The following HDGFL3 variants were observed in gnomAD, a reference collection of about 807,000 sequenced individuals.
HDGFL3 encodes hepatoma-derived growth factor-related protein 3.
Under a neutral mutation model 27.6 loss-of-function variants are expected in HDGFL3, and 6 were observed. That is an observed-to-expected ratio of 0.22 (90% CI 0.12 to 0.43). The LOEUF (loss-of-function observed/expected upper bound fraction) is 0.43. Ranked by LOEUF, HDGFL3 falls within the 20% of genes least tolerant of loss-of-function variation. HDGFL3 has a pLI of 1.00. For synonymous variants in HDGFL3, 88 were observed against 88.9 expected (o/e 0.99, Z 0.05); for missense variants, 207 against 250.1 (o/e 0.83, Z 1.16).
At chr15:83,161,170 A>G (rs1336815539) in intron 2 of HDGFL3, among the ~76,000 whole-genome samples, 1 of 152,194 alleles carries the variant, frequency 6.6e-6, no homozygotes, top group African/African-American at 2.4e-5. Context: ...GCTGCCTGGT[A>G]TTCACATCAG....
chr15:83,171,663 C>T (rs1054327310), intron 1 of HDGFL3, among the ~76,000 whole-genome samples: 3 of 151,922 alleles, frequency 2.0e-5, no homozygotes, highest in Admixed American at 2.0e-4. Flanking sequence ...ACCGCATGTT[C>T]TTACTTGTAA....
intron 5 of HDGFL3, among the ~76,000 whole-genome samples, chr15:83,150,195 G>T (rs1309313179): frequency 6.6e-6 from 1 of 152,162 alleles, no homozygotes; most frequent in East Asian, 1.9e-4. Context: ...AAAGGGAAGA[G>T]AAATTGTTGG....
chr15:83,113,089 C>T, exon 4 of HDGFL3: 1 of 600,088 alleles, frequency 1.7e-6, no homozygotes, highest in Non-Finnish European at 3.0e-6. Flanking sequence ...GGACTCCACC[C>T]TCTCCCAGGT....
chr15:83,118,983 A>G (rs1298405077), intron 3 of HDGFL3, among the ~76,000 whole-genome samples: 1 of 152,178 alleles, frequency 6.6e-6, no homozygotes, highest in East Asian at 1.9e-4. Context: ...TTGTAATCTC[A>G]GAGCATCTGT....
intron 1 of HDGFL3, among the ~76,000 whole-genome samples, chr15:83,198,094 T>G (rs992162921): frequency 1.4e-5 from 2 of 139,624 alleles, no homozygotes; most frequent in Non-Finnish European, 3.0e-5. Context: ...TAATTATATA[T>G]ATAGTTGTTG....
intron 4 of HDGFL3, among the ~76,000 whole-genome samples, chr15:83,154,427 G>T (rs995968195): frequency 5.3e-5 from 8 of 152,032 alleles, no homozygotes; most frequent in Admixed American, 3.3e-4. Context: ...AGTTATGCTA[G>T]GCAAGCGGTT....
rs200970627 is a variant in HDGFL3 at position 83,119,586 on chromosome 15, G to A, written c.394-3845C>T. On this transcript the variant is annotated intron_variant, in intron 3 of 3. Transcript: ENST00000568294. ...TTTAATGCTTTCTTTAGGGTGAACC[G>A]TATCTGAACACCGCATATGGGCACA... is the stretch of plus-strand genomic sequence containing the variant. 232 of 1,614,068 alleles carry A rather than the reference G, an allele frequency of 1.4e-4. No homozygotes were observed. Among genetic ancestry groups the A allele is most frequent in the Admixed American group, 2.0e-4 (12 of 60,022 alleles).
At chr15:83,195,484 T>C (rs1048449921) in intron 1 of HDGFL3, among the ~76,000 whole-genome samples, 35 of 152,130 alleles carry the variant, frequency 2.3e-4, no homozygotes, top group South Asian at 4.1e-4. Flanking sequence ...TATTCCTCTA[T>C]GTACATGTTT....
chr15:83,175,024 TG>T (rs1222407313), intron 1 of HDGFL3, among the ~76,000 whole-genome samples: 1 of 152,222 alleles, frequency 6.6e-6, no homozygotes, highest in African/African-American at 2.4e-5. Flanking sequence ...GAAAAGAATA[TG>T]AAAGTGAAAA....
Position 83,132,935 on chromosome 15 carries a change from A to T in HDGFL3, c.*6335T>A, listed in dbSNP as rs906846422. ...GTAAAAAGGTCAAAAGGTCAAGAGA[A>T]TCTAAAAACAAAGGGCCCAGATTTT... On this transcript the variant is annotated 3_prime_UTR_variant, in exon 6 of 6. Transcript: ENST00000299633. The T allele has an allele frequency of 6.6e-6, 1 of 152,230 alleles. No individual in the cohort carries two copies. Among genetic ancestry groups the T allele is most frequent in the African/African-American group, 2.4e-5 (1 of 41,464 alleles). 9.4% of individuals were successfully genotyped at this position (152,230 alleles called of 1,614,324 possible).
intron 1 of HDGFL3, among the ~76,000 whole-genome samples, chr15:83,195,244 C>T (rs1262589614): frequency 6.6e-6 from 1 of 151,898 alleles, no homozygotes; most frequent in Non-Finnish European, 1.5e-5. Flanking sequence ...AAATATTGGG[C>T]AAAAAACTTG....
intron 3 of HDGFL3, among the ~76,000 whole-genome samples, chr15:83,120,771 G>A (rs1448833602): frequency 6.6e-6 from 1 of 151,814 alleles, no homozygotes; most frequent in Non-Finnish European, 1.5e-5. Context: ...TCACCATGTT[G>A]GCCAGGCTGG....
At chr15:83,196,388 C>T (rs1329125183) in intron 1 of HDGFL3, among the ~76,000 whole-genome samples, 2 of 151,862 alleles carry the variant, frequency 1.3e-5, no homozygotes, top group Non-Finnish European at 2.9e-5. Flanking sequence ...CATAATCTGA[C>T]TACAAGATAA....
intron 1 of HDGFL3, among the ~76,000 whole-genome samples, chr15:83,200,856 CTTTTTT>C (rs200038603): frequency 8.3e-6 from 1 of 120,176 alleles, no homozygotes; most frequent in Admixed American, 8.5e-5. Context: ...TTACTTTATT[CTTTTTT>C]TTTTTTTTTT....
At chr15:83,157,021 A>G (rs1382202932) in intron 4 of HDGFL3, among the ~76,000 whole-genome samples, 2 of 152,208 alleles carry the variant, frequency 1.3e-5, no homozygotes, top group Non-Finnish European at 2.9e-5. Flanking sequence ...AGAACCCCAT[A>G]GTTAAGTTAC....
chr15:83,166,268 C>T (rs1261543890), intron 1 of HDGFL3, among the ~76,000 whole-genome samples: 2 of 152,136 alleles, frequency 1.3e-5, no homozygotes, highest in Non-Finnish European at 2.9e-5. Context: ...CAGCAGAAAC[C>T]TTACAAGCCA....
intron 1 of HDGFL3, among the ~76,000 whole-genome samples, chr15:83,166,933 C>T (rs2037177856): frequency 6.6e-6 from 1 of 152,210 alleles, no homozygotes; most frequent in African/African-American, 2.4e-5. Context: ...TATAATTTGA[C>T]ATGAGACAAA....
intron 1 of HDGFL3, among the ~76,000 whole-genome samples, chr15:83,194,268 C>T (rs2037544804): frequency 6.6e-6 from 1 of 152,122 alleles, no homozygotes; most frequent in African/African-American, 2.4e-5. Flanking sequence ...ACATGAGCCT[C>T]AAGGATATTA....
chr15:83,192,838 C>T (rs1010870413), intron 1 of HDGFL3, among the ~76,000 whole-genome samples: 6 of 152,204 alleles, frequency 3.9e-5, no homozygotes, highest in African/African-American at 1.4e-4. Flanking sequence ...TAATCAAACA[C>T]AGGCATTTTC....
Sources: allele counts gnomAD v4.1 joint callset (sites outside exome capture counted in the v4.1 genomes callset), GRCh38; gene constraint gnomAD v4.1.1; transcripts MANE v1.5; gene names NCBI Gene and HGNC (gene_info 2026-07-23, HGNC 2026-07-21).